The following ZNF652 variants were observed in gnomAD, a reference collection of about 807,000 sequenced individuals.
ZNF652 encodes the protein zinc finger protein 652.
In ZNF652, 16 loss-of-function variants were observed where a neutral mutation model predicts 45.2. That is an observed-to-expected ratio of 0.35 (90% CI 0.24 to 0.54). ZNF652 has a LOEUF of 0.54. Among genes scored for constraint, ZNF652 ranks in the 20% least tolerant of loss-of-function variants. ZNF652 has a pLI of 0.91. For missense variants in ZNF652, 614 were observed against 765.6 expected, an observed-to-expected ratio of 0.80 and a Z score of 2.34; for synonymous variants, 250 against 260.6, an observed-to-expected ratio of 0.96 and a Z score of 0.39.
intron 5 of ZNF652, among the ~76,000 whole-genome samples, chr17:49,301,423 G>A (rs1369145393): frequency 1.3e-5 from 2 of 152,076 alleles, no homozygotes; most frequent in African/African-American, 4.8e-5. Flanking sequence ...TCAGCCTTCA[G>A]AGTAGCTGGG....
chr17:49,332,088 C>T lies in ZNF652; in HGVS notation c.-258-14105G>A, dbSNP rs140351791. 3.2e-3 allele frequency among the ~76,000 whole-genome samples: 480 copies of T among 152,076 alleles called. 2 individuals carry two copies. Among genetic ancestry groups the T allele is most frequent in the South Asian group, 6.4e-3 (31 of 4,818 alleles). ...AGGAGTTCAAGACCAGCTTGGCCAGCGTGGCAAAACCCTGTCTCTACTGAT... is the reference window on the plus strand; with the variant it reads ...AGGAGTTCAAGACCAGCTTGGCCAGTGTGGCAAAACCCTGTCTCTACTGAT... On this transcript the variant is annotated intron_variant, in intron 1 of 5. Coordinates refer to ENST00000430262, the MANE Select transcript of ZNF652 (RefSeq NM_001145365.3).
At chr17:49,346,060 A>G (rs1277699878) in intron 1 of ZNF652, among the ~76,000 whole-genome samples, 1 of 152,144 alleles carries the variant, frequency 6.6e-6, no homozygotes, top group Non-Finnish European at 1.5e-5. Flanking sequence ...CACAACTACA[A>G]GTGTAGTACA....
At chr17:49,358,661 C>T (rs559726615) in intron 1 of ZNF652, among the ~76,000 whole-genome samples, 1 of 152,270 alleles carries the variant, frequency 6.6e-6, no homozygotes, top group East Asian at 1.9e-4. Context: ...AGTAGCATTA[C>T]TAATCAACTT....
At chr17:49,320,437 C>G (rs894228601) in intron 1 of ZNF652, among the ~76,000 whole-genome samples, 1 of 152,194 alleles carries the variant, frequency 6.6e-6, no homozygotes, top group Non-Finnish European at 1.5e-5. Context: ...TCTAAGATCA[C>G]AAGTCGCTCA....
In ZNF652 at chr17:49,317,398, C is replaced by T; in HGVS notation, c.328G>A (p.Val110Ile). 1 of 1,614,086 alleles carries T rather than the reference C, an allele frequency of 6.2e-7. No homozygotes were observed. Among genetic ancestry groups the T allele is most frequent in the Non-Finnish European group, 8.5e-7 (1 of 1,179,994 alleles). The part of the protein sequence containing the change: ...SDDTEEEEEE[V>I]SYKREQIIVE... ...ATGATCTGCTCCCTTTTGTAAGAGACTTCTTCCTCTTCCTCCTCTGTGTCA... is the reference window on the plus strand; with the variant it reads ...ATGATCTGCTCCCTTTTGTAAGAGATTTCTTCCTCTTCCTCCTCTGTGTCA... Residue 110 changes from valine to isoleucine, a missense_variant, in exon 2 of 6, where the codon GTC becomes ATC. Around this residue, in one of 5 missense-constraint regions of ZNF652, gnomAD observed 6 missense variants for 22.9 expected, o/e 0.26. Coordinates refer to ENST00000430262, the MANE Select transcript of ZNF652 (RefSeq NM_001145365.3).
intron 1 of ZNF652, among the ~76,000 whole-genome samples, chr17:49,319,404 G>A (rs924699918): frequency 2.6e-5 from 4 of 151,690 alleles, no homozygotes; most frequent in African/African-American, 7.3e-5. Flanking sequence ...GGAGGCCAAC[G>A]TAGTCGGATC....
At chr17:49,345,263 C>A (rs906741775) in intron 1 of ZNF652, among the ~76,000 whole-genome samples, 1 of 145,242 alleles carries the variant, frequency 6.9e-6, no homozygotes, top group African/African-American at 2.5e-5. Context: ...AGGGCAGTGG[C>A]GCAATCTCGG....
intron 1 of ZNF652, among the ~76,000 whole-genome samples, chr17:49,360,185 C>T (rs1358604881): frequency 6.6e-6 from 1 of 152,132 alleles, no homozygotes; most frequent in Non-Finnish European, 1.5e-5. Context: ...AAGAACAAAA[C>T]ACAAGGTTAC....
chr17:49,316,778 A>T, intron 2 of ZNF652, 48 bp downstream of exon 2: 1 of 1,543,136 alleles, frequency 6.5e-7, no homozygotes, highest in Non-Finnish European at 8.7e-7. Context: ...GAATCTGAAC[A>T]GCCAGGTTCT....
rs1486482801 is a variant in ZNF652, at chr17:49,292,720, T to TA, written c.*5692dup. 1.3e-5 allele frequency among the ~76,000 whole-genome samples: 2 copies of TA among 151,792 alleles called. No individual in the cohort carries two copies. Among genetic ancestry groups the TA allele is most frequent in the Non-Finnish European group, 2.9e-5 (2 of 67,958 alleles). ...AGGAACGTCAAATTTCTGGTGAAAG[T>TA]AAAAAAAGTGAAGAGTCAAATAAGG... On this transcript the variant is annotated 3_prime_UTR_variant, in exon 6 of 6. Coordinates refer to ENST00000430262, the MANE Select transcript of ZNF652 (RefSeq NM_001145365.3).
chr17:49,313,254 C>T (rs1232570743), intron 2 of ZNF652, among the ~76,000 whole-genome samples: 1 of 152,142 alleles, frequency 6.6e-6, no homozygotes, highest in Non-Finnish European at 1.5e-5. Context: ...CTCCCGGGTT[C>T]AAGCGATTCT....
At chr17:49,305,964 C>A (rs1275787485) in intron 5 of ZNF652, among the ~76,000 whole-genome samples, 1 of 152,206 alleles carries the variant, frequency 6.6e-6, no homozygotes, top group East Asian at 1.9e-4. Flanking sequence ...TTTCATTCAG[C>A]CTTAGAGACC....
At chr17:49,307,261 G>A (rs193101610) in intron 5 of ZNF652, among the ~76,000 whole-genome samples, 86 of 148,634 alleles carry the variant, frequency 5.8e-4, no homozygotes, top group African/African-American at 1.7e-3. Context: ...GTGAAACCCC[G>A]TTTCTACTAA....
At chr17:49,309,896 C>G (rs1271099213) in intron 5 of ZNF652, among the ~76,000 whole-genome samples, 2 of 152,036 alleles carry the variant, frequency 1.3e-5, no homozygotes, top group African/African-American at 4.8e-5. Flanking sequence ...CAGCCATGGG[C>G]AGAATTTCCT....
chr17:49,319,454 G>C (rs1028811801), intron 1 of ZNF652, among the ~76,000 whole-genome samples: 1 of 151,754 alleles, frequency 6.6e-6, no homozygotes, highest in African/African-American at 2.4e-5. Flanking sequence ...CCAACGTGGT[G>C]AAACCCCATC....
intron 1 of ZNF652, among the ~76,000 whole-genome samples, chr17:49,347,410 C>G (rs558837151): frequency 1.3e-5 from 2 of 152,050 alleles, no homozygotes; most frequent in Admixed American, 1.3e-4. Flanking sequence ...ACTAAAAATA[C>G]AAAAACTAGC....
At chr17:49,310,969 CT>C (rs1461604444) in intron 5 of ZNF652, among the ~76,000 whole-genome samples, 1 of 152,168 alleles carries the variant, frequency 6.6e-6, no homozygotes, top group African/African-American at 2.4e-5. Context: ...GTCCTCCATC[CT>C]TTTAAGGCCC....
rs754119027 is a variant in ZNF652, at chr17:49,312,713, G to A, written c.1033C>T (p.Arg345Trp). The A allele has an allele frequency of 4.3e-6, 7 of 1,613,152 alleles. No homozygotes were observed. Among genetic ancestry groups the A allele is most frequent in the Middle Eastern group, 1.7e-4 (1 of 6,058 alleles). The change falls in exon 3 of 6, where the codon CGG becomes TGG. Residue 345 changes from arginine (R) to tryptophan (W), a missense_variant. Physicochemically the swap from Arg to Trp is moderately radical, Grantham distance 101 (BLOSUM62 -3). Transcript: ENST00000430262. ...AAAAACTTACCAACCATGTGTTTCC[G>A]CACATGAGCCATGGTATAGAATTTC... ...EKKFYTMAHVRKHMVAHTKDM... is the reference protein window; with the variant it reads ...EKKFYTMAHVWKHMVAHTKDM...
chr17:49,310,242 C>T (rs7221336), intron 5 of ZNF652, among the ~76,000 whole-genome samples: 35,055 of 152,098 alleles, frequency 0.23, 4,166 homozygotes, highest in South Asian at 0.32. Context: ...CGTGAGCCAC[C>T]GCGCCCGGCC....
Sources: allele counts gnomAD v4.1 joint callset (sites outside exome capture counted in the v4.1 genomes callset), GRCh38; gene constraint gnomAD v4.1.1; regional missense constraint gnomAD v4.1.1; transcripts MANE v1.5; gene names NCBI Gene and HGNC (gene_info 2026-07-23, HGNC 2026-07-21).